CDCP1: variants seen among roughly 807,000 people sequenced by gnomAD.
The protein encoded by CDCP1 is CUB domain containing protein 1.
In CDCP1, 29 loss-of-function variants were observed where a neutral mutation model predicts 60.2. That is an observed-to-expected ratio of 0.48 (90% CI 0.36 to 0.66). CDCP1 has a LOEUF of 0.66. Ranked by LOEUF, CDCP1 falls within the 30% of genes least tolerant of loss-of-function variation. The pLI is 0.00. For synonymous variants in CDCP1, 387 were observed against 431.1 expected, an observed-to-expected ratio of 0.90 and a Z score of 1.27; for missense variants, 876 against 1,074.3, an observed-to-expected ratio of 0.82 and a Z score of 2.58.
chr3:45,112,602 T>C (rs996089691), intron 2 of CDCP1, among the ~76,000 whole-genome samples, 157 bp from the exon 3 acceptor site: 1 of 152,248 alleles, frequency 6.6e-6, no homozygotes, highest in Non-Finnish European at 1.5e-5. Context: ...GCTGTGAGTC[T>C]TAGTGGCCAA....
At chr3:45,125,193 G>A (rs1172058894) in intron 1 of CDCP1, among the ~76,000 whole-genome samples, 1 of 152,186 alleles carries the variant, frequency 6.6e-6, no homozygotes, top group African/African-American at 2.4e-5. Context: ...TGAAAATCAT[G>A]GCTTCCTTGG....
At chr3:45,095,272 G>T in intron 5 of CDCP1, 75 bp downstream of exon 5, 1 of 1,341,208 alleles carries the variant, frequency 7.5e-7, no homozygotes, top group Non-Finnish European at 1.1e-6. Flanking sequence ...CCTACCCAGG[G>T]AACCCCACTA....
intron 1 of CDCP1, among the ~76,000 whole-genome samples, chr3:45,144,827 A>G (rs1192395866): frequency 1.3e-5 from 2 of 152,174 alleles, no homozygotes; most frequent in Non-Finnish European, 2.9e-5. Context: ...GGAATCTTGG[A>G]AATTCAGTCC....
Position 45,118,332 on chromosome 3 carries a change from A to G in CDCP1, c.292+80T>C, listed in dbSNP as rs1182528385. On this transcript the variant is annotated intron_variant, in intron 2 of 8. Transcript: ENST00000296129. ...CTTAGCTCTCTAGCATTAGAGACTGACTTAGCATGGGAAAGACAGTCAGGG... is the reference window on the plus strand; with the variant it reads ...CTTAGCTCTCTAGCATTAGAGACTGGCTTAGCATGGGAAAGACAGTCAGGG... 9 of 1,064,834 alleles carry G rather than the reference A, an allele frequency of 8.5e-6. 2 individuals are homozygous for G. In the Admixed American group the frequency reaches 1.6e-4, roughly 19 times the overall value. The allele number at this position is 1,064,834 out of a possible 1,614,324, so 66.0% of individuals were successfully genotyped here. A position where few individuals can be genotyped will look rare whatever the true frequency, so the allele number is the denominator to read the frequency against.
chr3:45,110,783 G>C lies in CDCP1; in HGVS notation c.714C>G (p.Ala238=), dbSNP rs151241354. The C allele has an allele frequency of 9.3e-6, 15 of 1,614,114 alleles. No homozygotes were observed. The highest frequency in any genetic ancestry group is 1.3e-5 in the Non-Finnish European group (15 of 1,180,022). Residue 238 remains alanine, a synonymous_variant, in exon 4 of 9, where the codon GCC becomes GCG. Coordinates refer to ENST00000296129, the MANE Select transcript of CDCP1 (RefSeq NM_022842.5). ...CCTCAGGGAAGCCTTCTGGGTAGTTGGCAGACATCAGGGTTGCTGAGCCTT... is the reference window on the plus strand; with the variant it reads ...CCTCAGGGAAGCCTTCTGGGTAGTTCGCAGACATCAGGGTTGCTGAGCCTT... The part of the protein sequence containing the change: ...EGEGSATLMS[A]NYPEGFPEDE...
chr3:45,088,681 G>T (rs954314648), intron 8 of CDCP1, among the ~76,000 whole-genome samples: 1 of 152,110 alleles, frequency 6.6e-6, no homozygotes, highest in African/African-American at 2.4e-5. Context: ...TCTCCTTAGG[G>T]TGACGGAGGG....
intron 4 of CDCP1, among the ~76,000 whole-genome samples, chr3:45,109,941 T>A (rs757529061): frequency 1.6e-4 from 25 of 152,188 alleles, no homozygotes; most frequent in Non-Finnish European, 3.2e-4. Context: ...AGCTGTGTGA[T>A]GTCAGGCCAG....
At chr3:45,094,215 C>T (rs1698356570) in intron 5 of CDCP1, among the ~76,000 whole-genome samples, 1 of 135,408 alleles carries the variant, frequency 7.4e-6, no homozygotes, top group African/African-American at 2.6e-5. Flanking sequence ...GGTTTACTGG[C>T]CTTCAGTCAT....
chr3:45,112,333 G>A lies in CDCP1; in HGVS notation c.405C>T (p.Ile135=), dbSNP rs763464646. ...FIWDVKAHKS[I]GLELQFSIPR... ...GGATGGAAAACTGCAGCTCTAAACC[G>A]ATGCTCTTATGAGCTTTGACATCCC... is the stretch of plus-strand genomic sequence containing the variant. The change falls in exon 3 of 9, where the codon ATC becomes ATT. Residue 135 remains isoleucine, a synonymous_variant. Transcript: ENST00000296129. 8 of 1,614,122 alleles carry A rather than the reference G, an allele frequency of 5.0e-6. No individual in the cohort carries two copies. Among genetic ancestry groups the A allele is most frequent in the East Asian group, 4.5e-5 (2 of 44,892 alleles).
chr3:45,088,974 T>G (rs1698245556), intron 8 of CDCP1, 80 bp downstream of exon 8: 1 of 1,134,752 alleles, frequency 8.8e-7, no homozygotes, highest in Non-Finnish European at 1.3e-6. Flanking sequence ...GAAAACAAAG[T>G]CAATAATGAA....
chr3:45,101,172 C>T (rs1425715606), intron 4 of CDCP1, among the ~76,000 whole-genome samples: 2 of 152,194 alleles, frequency 1.3e-5, no homozygotes, highest in African/African-American at 2.4e-5. Flanking sequence ...CTGTTCACAT[C>T]TCATTGGCCA....
intron 1 of CDCP1, 117 bp downstream of exon 1, chr3:45,146,089 T>TCTCCGCACC (rs142688846): frequency 0.12 from 98,534 of 851,320 alleles, 8,099 homozygotes; most frequent in Middle Eastern, 0.18. Flanking sequence ...CCCCGCCCTC[T>TCTCCGCACC]CTCCGCACCC....
chr3:45,121,266 C>G (rs144205144), intron 1 of CDCP1, among the ~76,000 whole-genome samples: 1 of 152,278 alleles, frequency 6.6e-6, no homozygotes, highest in Non-Finnish European at 1.5e-5. Context: ...GCTTGGTCTT[C>G]AAGCAGTGTG....
At chr3:45,114,625 C>G (rs933278351) in intron 2 of CDCP1, among the ~76,000 whole-genome samples, 9 of 152,090 alleles carry the variant, frequency 5.9e-5, no homozygotes, top group African/African-American at 2.2e-4. Flanking sequence ...GTTGACCAGG[C>G]TGGTCTTGAA....
intron 1 of CDCP1, among the ~76,000 whole-genome samples, chr3:45,133,872 C>G (rs1042394725): frequency 1.3e-5 from 2 of 152,128 alleles, no homozygotes; most frequent in Non-Finnish European, 2.9e-5. Context: ...TCAGGAAGAG[C>G]ATCTGCTCCT....
intron 1 of CDCP1, among the ~76,000 whole-genome samples, chr3:45,122,196 T>G (rs2126001917): frequency 6.7e-6 from 1 of 149,204 alleles, no homozygotes; most frequent in Admixed American, 6.8e-5. Context: ...CAGGCTGGAG[T>G]GCGGTGGCGC....
intron 4 of CDCP1, among the ~76,000 whole-genome samples, chr3:45,096,360 C>A (rs1443428455): frequency 6.6e-6 from 1 of 152,102 alleles, no homozygotes; most frequent in African/African-American, 2.4e-5. Context: ...CACAGTGGCT[C>A]ACGCTTGTAA....
chr3:45,094,794 C>A (rs1698367201), intron 5 of CDCP1, among the ~76,000 whole-genome samples: 1 of 151,990 alleles, frequency 6.6e-6, no homozygotes, highest in Non-Finnish European at 1.5e-5. Flanking sequence ...GATTGGAAGG[C>A]TGGGCAGAGA....
At chr3:45,099,159 G>A (rs1698450966) in intron 4 of CDCP1, among the ~76,000 whole-genome samples, 1 of 149,922 alleles carries the variant, frequency 6.7e-6, no homozygotes, top group African/African-American at 2.5e-5. Context: ...TTCTTTTTAG[G>A]TGGATTACAG....
Sources: allele counts gnomAD v4.1 joint callset (sites outside exome capture counted in the v4.1 genomes callset), GRCh38; gene constraint gnomAD v4.1.1; transcripts MANE v1.5; gene names NCBI Gene and HGNC (gene_info 2026-07-23, HGNC 2026-07-21).